Variants in LRRC74A observed in about 807,000 individuals in gnomAD.
LRRC74A encodes leucine rich repeat containing 74A.
LRRC74A carries 44 observed loss-of-function variants against 57.9 expected under a neutral mutation model. That is an observed-to-expected ratio of 0.76 (90% confidence interval 0.60 to 0.98). LRRC74A has a LOEUF of 0.98. Ranked by LOEUF, LRRC74A falls within the 50% of genes least tolerant of loss-of-function variation. The pLI is 0.00. For synonymous variants in LRRC74A, 211 were observed against 219.4 expected, an observed-to-expected ratio of 0.96 and a Z score of 0.34; for missense variants, 572 against 574.0, an observed-to-expected ratio of 1.00 and a Z score of 0.04.
chr14:76,870,001 C>T, intron 13 of LRRC74A, 124 bp from the exon 14 acceptor site: 4 of 965,230 alleles, frequency 4.1e-6, no homozygotes, highest in South Asian at 2.9e-5. Flanking sequence ...AACAGCATGA[C>T]CTCTAAGGCC....
chr14:76,836,272 C>T lies in LRRC74A; in HGVS notation c.405C>T (p.Ser135=), dbSNP rs1487528505. Residue 135 remains serine, a synonymous_variant, in exon 4 of 14, where the codon AGC becomes AGT. Coordinates refer to ENST00000689127, the MANE Select transcript of LRRC74A (RefSeq NM_001385106.1). ...DNCIMEEGVL[S]LVEMLQENYY... ...GCATCATGGAGGAGGGCGTCTTGAG[C>T]CTGGTGGAGATGCTACAAGAGAACT... 3 of 1,613,736 alleles carry T rather than the reference C, an allele frequency of 1.9e-6. No homozygotes were observed. The highest frequency in any genetic ancestry group is 2.2e-5 in the East Asian group (1 of 44,882).
intron 1 of LRRC74A, among the ~76,000 whole-genome samples, chr14:76,827,758 G>A (rs964624334): frequency 1.3e-5 from 2 of 152,304 alleles, no homozygotes; most frequent in South Asian, 2.1e-4. Context: ...AGGAAGAGAA[G>A]CTAAGTCAAA....
chr14:76,866,925 TTGGGGGGGGTGGTAG>T (rs1898855668), intron 12 of LRRC74A, among the ~76,000 whole-genome samples: 1 of 81,576 alleles, frequency 1.2e-5, no homozygotes, highest in African/African-American at 5.0e-5. Context: ...GGTGTGTGTG[TTGGGGGGGGTGGTAG>T]GTGTGTGGGG....
At chr14:76,865,456 A>G (rs866817350) in intron 11 of LRRC74A, among the ~76,000 whole-genome samples, 3 of 152,228 alleles carry the variant, frequency 2.0e-5, no homozygotes, top group South Asian at 2.1e-4. Context: ...ATGTTTCCAT[A>G]TGAGCATTGA....
At chr14:76,865,802 G>C (rs573230953) in intron 11 of LRRC74A, among the ~76,000 whole-genome samples, 166 bp from the exon 12 acceptor site, 1 of 152,322 alleles carries the variant, frequency 6.6e-6, no homozygotes, top group South Asian at 2.1e-4. Flanking sequence ...TGGTCTTAGG[G>C]GACACCCAAC....
Position 76,844,840 on chromosome 14 carries a change from G to A in LRRC74A, c.615G>A (p.Lys205=). 6.3e-7 allele frequency: 1 copy of A among 1,586,002 alleles called. No homozygotes were observed. Among genetic ancestry groups the A allele is most frequent in the Non-Finnish European group, 8.7e-7 (1 of 1,154,656 alleles). Residue 205 remains lysine (K), a synonymous_variant, in exon 7 of 14, where the codon AAG becomes AAA. Coordinates refer to ENST00000689127, the MANE Select transcript of LRRC74A (RefSeq NM_001385106.1). ...TGTAGACCAATTACCAAATTAAAAA[G>A]CTGGATCTCAGTCACAACCAATTCT... ...QALSTNYQIK[K]LDLSHNQFSD... is the part of the protein sequence containing the mutation.
chr14:76,837,743 C>A (rs1003828504), intron 4 of LRRC74A, 132 bp from the exon 5 acceptor site: 10 of 505,122 alleles, frequency 2.0e-5, no homozygotes, highest in South Asian at 3.5e-5. Flanking sequence ...CCTCCCTAAT[C>A]CTCCTAATCC....
chr14:76,841,979 T>C (rs1896808014), intron 5 of LRRC74A, among the ~76,000 whole-genome samples: 1 of 152,204 alleles, frequency 6.6e-6, no homozygotes, highest in Admixed American at 6.5e-5. Flanking sequence ...CCCAAAGTGC[T>C]GGGATTACAG....
intron 11 of LRRC74A, among the ~76,000 whole-genome samples, chr14:76,864,422 G>T (rs1363266415): frequency 1.7e-4 from 8 of 48,044 alleles, no homozygotes; most frequent in Admixed American, 1.3e-3. Context: ...GGGGGGGGGG[G>T]GTGGCGGGGG....
chr14:76,850,378 G>T (rs1897371409), intron 7 of LRRC74A, among the ~76,000 whole-genome samples: 1 of 152,066 alleles, frequency 6.6e-6, no homozygotes, highest in African/African-American at 2.4e-5. Flanking sequence ...AGGTGTGCAA[G>T]GTGTAGCTTA....
chr14:76,827,953 G>A (rs1413445936), intron 1 of LRRC74A, among the ~76,000 whole-genome samples: 1 of 152,168 alleles, frequency 6.6e-6, no homozygotes, highest in Non-Finnish European at 1.5e-5. Context: ...AAGAGTAACA[G>A]CACACCCCAA....
At chr14:76,856,835 G>C (rs1483652477) in intron 9 of LRRC74A, among the ~76,000 whole-genome samples, 1 of 151,036 alleles carries the variant, frequency 6.6e-6, no homozygotes, top group Non-Finnish European at 1.5e-5. Flanking sequence ...TGGATGAGAG[G>C]TGGATGGATG....
intron 9 of LRRC74A, among the ~76,000 whole-genome samples, chr14:76,855,758 A>T (rs72721323): frequency 3.3e-5 from 5 of 152,156 alleles, no homozygotes; most frequent in African/African-American, 1.2e-4. Context: ...GCTGACATAT[A>T]CTAGGGGCTC....
intron 11 of LRRC74A, among the ~76,000 whole-genome samples, chr14:76,862,520 G>C (rs916537522): frequency 5.9e-5 from 8 of 134,590 alleles, no homozygotes; most frequent in Non-Finnish European, 1.1e-4. Flanking sequence ...CTGGGCAACA[G>C]AGCGAGACTC....
In LRRC74A at chr14:76,828,295, G is replaced by A. The variant is rs1595334786; in HGVS notation, c.42G>A (p.Glu14=). ...DKPLQPETED[E]IEIEPVRQSS... is the part of the protein sequence containing the mutation. ...GAGATGAGTTTTTTCTTCCAGATGAGATTGAAATTGAGCCAGTACGACAGA... is the reference window on the plus strand; with the variant it reads ...GAGATGAGTTTTTTCTTCCAGATGAAATTGAAATTGAGCCAGTACGACAGA... The change falls in exon 2 of 14, where the codon GAG becomes GAA. Residue 14 remains glutamate (E), a synonymous_variant. Coordinates refer to ENST00000689127, the MANE Select transcript of LRRC74A (RefSeq NM_001385106.1). 1 of 1,593,290 alleles carries A rather than the reference G, an allele frequency of 6.3e-7. No homozygotes were observed. Among genetic ancestry groups the A allele is most frequent in the Non-Finnish European group, 8.6e-7 (1 of 1,164,722 alleles).
Position 76,836,806 on chromosome 14 carries a change from A to G in LRRC74A, c.447+492A>G, listed in dbSNP as rs1175193792. Among the ~76,000 whole-genome samples, 42 of 151,276 alleles carry G rather than the reference A, an allele frequency of 2.8e-4. 2 individuals carry two copies. The East Asian group carries it at 3.7e-3, about 13-fold the overall frequency. On this transcript the variant is annotated intron_variant, in intron 4 of 13. Coordinates refer to ENST00000689127, the MANE Select transcript of LRRC74A (RefSeq NM_001385106.1). ...GACTCCATCTCAAAAAAAAAAAAAA[A>G]AAAAGAAACCACTTCTGTCTGGACC...
At chr14:76,849,633 C>T (rs1323103152) in intron 7 of LRRC74A, among the ~76,000 whole-genome samples, 1 of 145,092 alleles carries the variant, frequency 6.9e-6, no homozygotes, top group African/African-American at 2.5e-5. Context: ...GAAAACCTGT[C>T]TCTACTAAAA....
In LRRC74A at chr14:76,870,071, T is replaced by C. The variant is rs2140322136; in HGVS notation, c.1392-54T>C. The C allele has an allele frequency of 1.9e-6, 3 of 1,580,562 alleles. No individual in the cohort carries two copies. The South Asian group carries it at 3.4e-5, about 18-fold the overall frequency. ...AAGCCTGTCTTAACATTCTCACCCATCAGCCATGAGGCTGTACGGGTGCTC... is the reference window on the plus strand; with the variant it reads ...AAGCCTGTCTTAACATTCTCACCCACCAGCCATGAGGCTGTACGGGTGCTC... On this transcript the variant is annotated intron_variant, in intron 13 of 13. Coordinates refer to ENST00000689127, the MANE Select transcript of LRRC74A (RefSeq NM_001385106.1).
intron 5 of LRRC74A, 45 bp from the exon 6 acceptor site, chr14:76,844,378 G>A (rs777392001): frequency 6.3e-7 from 1 of 1,578,638 alleles, no homozygotes; most frequent in Non-Finnish European, 8.7e-7. Flanking sequence ...GAGGAAGGGA[G>A]CCATGGTCTA....
Sources: gnomAD v4.1 joint callset for allele counts (sites outside exome capture counted in the v4.1 genomes callset) on GRCh38, gnomAD v4.1.1 for gene constraint, MANE v1.5 for transcripts, NCBI Gene and HGNC (gene_info 2026-07-23, HGNC 2026-07-21) for gene names.